Variants in GTPBP1 observed in about 807,000 individuals in gnomAD.
The protein encoded by GTPBP1 is GTP binding protein 1, also known as GTP-binding protein 1.
Under a neutral mutation model 62.0 loss-of-function variants are expected in GTPBP1, and 23 were observed. The observed-to-expected ratio is 0.37, with a 90% CI of 0.27 to 0.53. GTPBP1 has a LOEUF of 0.53. GTPBP1 is among the 20% of genes least tolerant of loss of function. GTPBP1 has a pLI of 0.89. For missense variants in GTPBP1, 640 were observed against 917.3 expected, an observed-to-expected ratio of 0.70 and a Z score of 3.90; for synonymous variants, 344 against 364.4, an observed-to-expected ratio of 0.94 and a Z score of 0.64.
At chr22:38,736,200 TG>T (rs779141062), downstream of GTPBP1, 13 of 1,448,532 alleles carry the variant, frequency 9.0e-6, no homozygotes, top group East Asian at 2.7e-4. Flanking sequence ...AGCAAGCGTG[TG>T]GGGGAAGCGG....
chr22:38,707,226 T>C (rs1808746086), intron 1 of GTPBP1, among the ~76,000 whole-genome samples: 2 of 152,256 alleles, frequency 1.3e-5, no homozygotes, highest in Admixed American at 6.5e-5. Context: ...GGGTGAAAGA[T>C]AGAACACCAA....
chr22:38,738,347 C>A, downstream of GTPBP1: 1 of 1,298,392 alleles, frequency 7.7e-7, no homozygotes, highest in South Asian at 1.3e-5. The surrounding 1 kb of genome is among the most constrained non-coding windows in gnomAD (Gnocchi z 6.6). Flanking sequence ...CTCCTCCCAC[C>A]CAGCAGGTCA....
intron 5 of GTPBP1, chr22:38,722,719 G>T: frequency 6.2e-7 from 1 of 1,601,330 alleles, no homozygotes; most frequent in Non-Finnish European, 8.5e-7. Context: ...GGGGTGAGAA[G>T]GTGCAGATAC....
rs1041354863 is a variant in GTPBP1, at chr22:38,727,320, C to G, written c.1509C>G (p.Thr503=). 6.3e-6 allele frequency: 10 copies of G among 1,589,090 alleles called. No homozygotes were observed. Among genetic ancestry groups the G allele is most frequent in the African/African-American group, 1.4e-5 (1 of 73,414 alleles). Residue 503 remains threonine, a synonymous_variant, in exon 9 of 12, where the codon ACC becomes ACG. Transcript: ENST00000216044. The surrounding 1 kb of genome is among the most constrained non-coding windows in gnomAD (Gnocchi z 6.5). ...EAEILVLHHP[T]TISPRYQAMV... ...AGATTCTCGTCCTCCACCACCCCAC[C>G]ACAATTAGCCCGCGCTACCAGGCCA... is the stretch of plus-strand genomic sequence containing the variant.
intron 5 of GTPBP1, chr22:38,722,776 C>T (rs1195441239): frequency 1.1e-5 from 17 of 1,603,218 alleles, no homozygotes; most frequent in Admixed American, 1.7e-5. Flanking sequence ...TCTTTGGAAG[C>T]AGCTGGATTT....
chr22:38,740,314 C>T (rs372331900), downstream of GTPBP1: 6 of 1,603,974 alleles, frequency 3.7e-6, no homozygotes, highest in South Asian at 5.6e-5. This position sits in a 1 kb window ranked among gnomAD's most constrained non-coding sequence, Gnocchi z 4.8. Flanking sequence ...CCCACTTCTT[C>T]CGCCACCGAG....
chr22:38,712,492 T>C (rs551908359), intron 2 of GTPBP1, among the ~76,000 whole-genome samples: 1 of 152,226 alleles, frequency 6.6e-6, no homozygotes, highest in South Asian at 2.1e-4. Flanking sequence ...TCTGAGAGTC[T>C]AGGGAGTCTT....
chr22:38,742,595 T>C (rs368008907), downstream of GTPBP1: 12 of 1,574,080 alleles, frequency 7.6e-6, no homozygotes, highest in Admixed American at 3.5e-5. Flanking sequence ...GAGGGACCCT[T>C]GGATGATAGT....
downstream of GTPBP1, chr22:38,741,025 A>T: frequency 6.3e-7 from 1 of 1,598,314 alleles, no homozygotes; most frequent in Non-Finnish European, 8.5e-7. Context: ...CTCTGACTTC[A>T]GCTGCTGGAT....
downstream of GTPBP1, chr22:38,738,509 C>CAAGTCTA: frequency 6.4e-7 from 1 of 1,552,718 alleles, no homozygotes; most frequent in South Asian, 1.2e-5. This position sits in a 1 kb window ranked among gnomAD's most constrained non-coding sequence, Gnocchi z 6.6. Flanking sequence ...CAAGGGTGAC[C>CAAGTCTA]CTGACTTGAT....
At chr22:38,728,999 C>T (rs9622840) in intron 10 of GTPBP1, 1,603 of 153,978 alleles carry the variant, frequency 0.01, 34 homozygotes, top group African/African-American at 0.037. Context: ...AGACTTGTTA[C>T]GGGGGCAGCA....
rs1331142855 is a variant in GTPBP1, at chr22:38,730,260, G to T, written c.1918-352G>T. Among the ~76,000 whole-genome samples the T allele has an allele frequency of 1.3e-5, 2 of 152,232 alleles. No individual in the cohort carries two copies. The highest frequency in any genetic ancestry group is 2.9e-5 in the Non-Finnish European group (2 of 68,038). The stretch of plus-strand genomic sequence containing the variant: ...GGAAAAGGAGGCTATGCCTGGATCT[G>T]TCTGTCCATTCTGTTATCTGTCTCC... On this transcript the variant is annotated intron_variant, in intron 11 of 11. Coordinates refer to ENST00000216044, the MANE Select transcript of GTPBP1 (RefSeq NM_004286.5). The surrounding 1 kb of genome is among the most constrained non-coding windows in gnomAD (Gnocchi z 5.6).
At chr22:38,709,096 A>G (rs2092623302) in intron 2 of GTPBP1, 140 bp downstream of exon 2, 2 of 545,904 alleles carry the variant, frequency 3.7e-6, no homozygotes, top group African/African-American at 1.9e-5. Flanking sequence ...CAGCCTGGCC[A>G]ACATGGTGAA....
chr22:38,716,170 C>G lies in GTPBP1; in HGVS notation c.485+83C>G. On this transcript the variant is annotated intron_variant, in intron 3 of 11. Transcript: ENST00000216044. This position sits in a 1 kb window ranked among gnomAD's most constrained non-coding sequence, Gnocchi z 5.2. Reference sequence around the variant, plus strand: ...GCCTGTGGCACTTGGCGTGTCAGCTCCATCCTTTCCCCTCCTGAGGCGGGG... The same window carrying G: ...GCCTGTGGCACTTGGCGTGTCAGCTGCATCCTTTCCCCTCCTGAGGCGGGG... 1 of 1,107,676 alleles carries G rather than the reference C, an allele frequency of 9.0e-7. No individual in the cohort carries two copies. 68.6% of individuals were successfully genotyped at this position (1,107,676 alleles called of 1,614,324 possible).
chr22:38,718,479 T>C (rs891969786), intron 4 of GTPBP1, among the ~76,000 whole-genome samples: 10 of 152,150 alleles, frequency 6.6e-5, no homozygotes, highest in African/African-American at 2.4e-4. Flanking sequence ...ATTTAAAATA[T>C]ATAGAAAACA....
chr22:38,708,505 T>C (rs959339998), intron 1 of GTPBP1, among the ~76,000 whole-genome samples: 1 of 152,232 alleles, frequency 6.6e-6, no homozygotes, highest in Non-Finnish European at 1.5e-5. Flanking sequence ...CTTTGGCATG[T>C]AGATGGAAAG....
downstream of GTPBP1, chr22:38,742,472 C>A: frequency 6.2e-7 from 1 of 1,613,686 alleles, no homozygotes; most frequent in Non-Finnish European, 8.5e-7. Context: ...TGGCCTCCTT[C>A]TGCCAGTTGG....
downstream of GTPBP1, chr22:38,740,685 C>T (rs2092848964): frequency 1.7e-6 from 1 of 573,578 alleles, no homozygotes; most frequent in South Asian, 2.3e-5. The surrounding 1 kb of genome is among the most constrained non-coding windows in gnomAD (Gnocchi z 4.8). Flanking sequence ...CTCAGCCTCT[C>T]ACATCCTCCA....
rs1241553556 is a variant in GTPBP1, at chr22:38,727,920, C to G, written c.1538-63C>G. 8.7e-7 allele frequency: 1 copy of G among 1,145,248 alleles called. No homozygotes were observed. Among genetic ancestry groups the G allele is most frequent in the East Asian group, 2.4e-5 (1 of 42,448 alleles). 70.9% of individuals were successfully genotyped at this position (1,145,248 alleles called of 1,614,324 possible). A position where few individuals can be genotyped will look rare whatever the true frequency, so the allele number is the denominator to read the frequency against. ...CGTATTTCATGCTTTCACTCACTGC[C>G]TCCCGTTGTCCTGAAGCCACCAGGT... On this transcript the variant is annotated intron_variant, in intron 9 of 11. Coordinates refer to ENST00000216044, the MANE Select transcript of GTPBP1 (RefSeq NM_004286.5). This position sits in a 1 kb window ranked among gnomAD's most constrained non-coding sequence, Gnocchi z 6.5.
Sources: allele counts gnomAD v4.1 joint callset (sites outside exome capture counted in the v4.1 genomes callset), GRCh38; gene constraint gnomAD v4.1.1; non-coding constraint Gnocchi (gnomAD v3.1); transcripts MANE v1.5; gene names NCBI Gene and HGNC (gene_info 2026-07-23, HGNC 2026-07-21).